Variants in PAFAH1B1 observed in about 807,000 individuals in gnomAD.
PAFAH1B1 encodes platelet activating factor acetylhydrolase 1b regulatory subunit 1, also known as platelet-activating factor acetylhydrolase IB subunit beta.
PAFAH1B1 carries 2 observed loss-of-function variants against 57.5 expected under a neutral mutation model. The ratio of observed to expected loss-of-function variants is 0.03; its 90% confidence interval spans 0.01 to 0.11. PAFAH1B1 has a LOEUF of 0.11. Ranked by LOEUF, PAFAH1B1 falls within the 10% of genes least tolerant of loss-of-function variation. The pLI is 1.00. For missense variants in PAFAH1B1, 257 were observed against 512.0 expected, an observed-to-expected ratio of 0.50 and a Z score of 4.81; for synonymous variants, 152 against 169.6, an observed-to-expected ratio of 0.90 and a Z score of 0.81.
intron 1 of PAFAH1B1, among the ~76,000 whole-genome samples, chr17:2,627,483 G>A (rs943239953): frequency 1.2e-4 from 18 of 152,150 alleles, no homozygotes; most frequent in African/African-American, 3.6e-4. Flanking sequence ...CGCTGTTTTG[G>A]TGACTATGGC....
At chr17:2,642,496 T>G (rs2068708788) in intron 2 of PAFAH1B1, 1 of 152,218 alleles carries the variant, frequency 6.6e-6, no homozygotes, top group Non-Finnish European at 1.5e-5. Context: ...TGTTTAGACT[T>G]GGTTGAGTCT....
chr17:2,673,494 C>A (rs1362747951), intron 7 of PAFAH1B1, among the ~76,000 whole-genome samples: 1 of 152,052 alleles, frequency 6.6e-6, no homozygotes, highest in Non-Finnish European at 1.5e-5. Context: ...AAAAAATTAG[C>A]CGGGCGTGGT....
At chr17:2,613,878 G>A in intron 1 of PAFAH1B1, 1 of 209,006 alleles carries the variant, frequency 4.8e-6, no homozygotes. Flanking sequence ...GGCACTCCCA[G>A]AAAGGGGGGC....
intron 1 of PAFAH1B1, among the ~76,000 whole-genome samples, chr17:2,609,146 C>T (rs1453814624): frequency 6.6e-6 from 1 of 152,200 alleles, no homozygotes; most frequent in African/African-American, 2.4e-5. Context: ...AGCAGTTAAC[C>T]TAAGCTGAAT....
chr17:2,631,829 G>A (rs973555634), intron 1 of PAFAH1B1, among the ~76,000 whole-genome samples: 10 of 152,142 alleles, frequency 6.6e-5, no homozygotes, highest in Non-Finnish European at 1.5e-4. Flanking sequence ...AGCTCTGTCC[G>A]AAGCTGCAAT....
At chr17:2,623,752 A>AGGTAGATGGGATCCCAGCCAC (rs2068453459) in intron 1 of PAFAH1B1, among the ~76,000 whole-genome samples, 1 of 96,900 alleles carries the variant, frequency 1.0e-5, no homozygotes, top group Non-Finnish European at 2.5e-5. Flanking sequence ...CTCAGCCTCC[A>AGGTAGATGGGATCCCAGCCAC]GGTAGCTGGG....
At chr17:2,607,609 G>C (rs1435973679) in intron 1 of PAFAH1B1, among the ~76,000 whole-genome samples, 1 of 151,028 alleles carries the variant, frequency 6.6e-6, no homozygotes, top group African/African-American at 2.4e-5. Flanking sequence ...TCAGCCACCC[G>C]AGTAGTTGGG....
At chr17:2,655,151 G>A (rs942162717) in intron 2 of PAFAH1B1, among the ~76,000 whole-genome samples, 17 of 150,146 alleles carry the variant, frequency 1.1e-4, no homozygotes, top group African/African-American at 3.9e-4. Flanking sequence ...GAATGAAATT[G>A]CTGATCATTT....
chr17:2,607,224 A>G (rs1240192123), intron 1 of PAFAH1B1, among the ~76,000 whole-genome samples: 5 of 151,960 alleles, frequency 3.3e-5, no homozygotes, highest in African/African-American at 2.4e-5. Context: ...ACCAGAGTGG[A>G]GTGCAGTGGT....
intron 1 of PAFAH1B1, among the ~76,000 whole-genome samples, chr17:2,619,246 G>A (rs1479828964): frequency 6.6e-6 from 1 of 152,010 alleles, no homozygotes; most frequent in Non-Finnish European, 1.5e-5. Context: ...TCCAACTCCT[G>A]GGCTTAGGTG....
intron 2 of PAFAH1B1, among the ~76,000 whole-genome samples, chr17:2,662,950 C>T (rs2069038420): frequency 6.6e-6 from 1 of 151,978 alleles, no homozygotes; most frequent in Non-Finnish European, 1.5e-5. Context: ...CCCGTCTCTA[C>T]TAAAAATACA....
intron 9 of PAFAH1B1, 104 bp from the exon 10 acceptor site, chr17:2,680,060 G>A (rs1181458756): frequency 9.8e-7 from 1 of 1,017,982 alleles, no homozygotes; most frequent in African/African-American, 1.6e-5. Context: ...ATTTTCTTCT[G>A]GTCTTTTGAT....
chr17:2,611,443 G>T (rs2068265740), intron 1 of PAFAH1B1, among the ~76,000 whole-genome samples: 1 of 151,628 alleles, frequency 6.6e-6, no homozygotes, highest in African/African-American at 2.4e-5. Context: ...ACTCCAGCCT[G>T]GGTGACAGAG....
intron 9 of PAFAH1B1, among the ~76,000 whole-genome samples, chr17:2,677,070 G>T (rs923311227): frequency 2.0e-5 from 3 of 152,034 alleles, no homozygotes; most frequent in African/African-American, 7.2e-5. Context: ...GGAGAATGGC[G>T]TGAACCCGGG....
chr17:2,684,426 T>A lies in PAFAH1B1; in HGVS notation c.*2624T>A, dbSNP rs2069439732. On this transcript the variant is annotated 3_prime_UTR_variant, in exon 11 of 11. Coordinates refer to ENST00000397195, the MANE Select transcript of PAFAH1B1 (RefSeq NM_000430.4). Reference sequence around the variant, plus strand: ...AGTAGAGGACTTTTATTAATTGGTTTAGAGGTTCACTGCTGCTTTGTCACT... The same window carrying A: ...AGTAGAGGACTTTTATTAATTGGTTAAGAGGTTCACTGCTGCTTTGTCACT... 6.6e-6 allele frequency: 1 copy of A among 152,670 alleles called. No homozygotes were observed. Among genetic ancestry groups the A allele is most frequent in the South Asian group, 2.1e-4 (1 of 4,836 alleles). The allele number at this position is 152,670 out of a possible 1,614,324, so 9.5% of individuals were successfully genotyped here. A position where few individuals can be genotyped will look rare whatever the true frequency, so the allele number is the denominator to read the frequency against.
At chr17:2,637,944 A>T (rs139912254) in intron 1 of PAFAH1B1, among the ~76,000 whole-genome samples, 155 bp from the exon 2 acceptor site, 2 of 152,338 alleles carry the variant, frequency 1.3e-5, no homozygotes, top group African/African-American at 4.8e-5. Flanking sequence ...ATGGTTTTTG[A>T]CATTAGTTGA....
chr17:2,616,415 A>G (rs990320558), intron 1 of PAFAH1B1, among the ~76,000 whole-genome samples: 1 of 152,164 alleles, frequency 6.6e-6, no homozygotes, highest in Non-Finnish European at 1.5e-5. Flanking sequence ...TGCAAGTTCA[A>G]AATCTGTAGG....
rs766561877 is a variant in PAFAH1B1, at chr17:2,667,012, G to A, written c.213G>A (p.Lys71=). 3.7e-6 allele frequency: 6 copies of A among 1,613,192 alleles called. No homozygotes were observed. Among genetic ancestry groups the A allele is most frequent in the African/African-American group, 2.7e-5 (2 of 74,860 alleles). The change falls in exon 5 of 11, where the codon AAG becomes AAA. Residue 71 remains lysine, a synonymous_variant. Coordinates refer to ENST00000397195, the MANE Select transcript of PAFAH1B1 (RefSeq NM_000430.4). The stretch of plus-strand genomic sequence containing the variant: ...TCAAGGTTATGGAATTAGAATCAAA[G>A]CTAAATGAAGCAAAAGAAGAATTTA... ...LQKKVMELES[K]LNEAKEEFTS...
At chr17:2,636,895 A>G (rs1325491485) in intron 1 of PAFAH1B1, among the ~76,000 whole-genome samples, 1 of 151,758 alleles carries the variant, frequency 6.6e-6, no homozygotes, top group African/African-American at 2.4e-5. Flanking sequence ...TAATTTTTAA[A>G]ATTTTCTGTA....
Sources: gnomAD v4.1 joint callset for allele counts (sites outside exome capture counted in the v4.1 genomes callset) on GRCh38, gnomAD v4.1.1 for gene constraint, MANE v1.5 for transcripts, NCBI Gene and HGNC (gene_info 2026-07-23, HGNC 2026-07-21) for gene names.